The following SCYL1 variants were observed in gnomAD, a reference collection of about 807,000 sequenced individuals.
The protein encoded by SCYL1 is SCY1 like pseudokinase 1, also known as N-terminal kinase-like protein.
A neutral mutation model predicts 94.8 loss-of-function variants in SCYL1; 85 were observed. That is an observed-to-expected ratio of 0.90 (90% CI 0.75 to 1.07). The LOEUF (loss-of-function observed/expected upper bound fraction) is 1.07. SCYL1 is among the 50% of genes least tolerant of loss of function. The pLI, the probability that SCYL1 is intolerant of heterozygous loss-of-function variation, is 0.00. For missense variants in SCYL1, 968 were observed against 1,083.3 expected, an observed-to-expected ratio of 0.89 and a Z score of 1.49; for synonymous variants, 459 against 435.5, an observed-to-expected ratio of 1.05 and a Z score of -0.67.
Position 65,526,167 on chromosome 11 carries a change from A to G in SCYL1, c.419A>G (p.Asn140Ser). 6.2e-7 allele frequency: 1 copy of G among 1,613,388 alleles called. No homozygotes were observed. The highest frequency in any genetic ancestry group is 1.3e-5 in the African/African-American group (1 of 75,052). ...FLVNDCSLIH[N>S]NVCMAAVFVD... ...GTCAACGACTGCAGCCTCATCCACA[A>G]CAATGTCTGCATGGCCGCCGTGTTC... is the stretch of plus-strand genomic sequence containing the variant. The change falls in exon 4 of 18, where the codon AAC (asparagine) becomes AGC (serine). Residue 140 changes from asparagine to serine, a missense_variant. By Grantham distance (46) the Asn-to-Ser change is conservative. This residue lies in a region of SCYL1 where 494 missense variants were observed against 619.7 expected (regional missense o/e 0.80). Transcript: ENST00000270176. This position sits in a 1 kb window ranked among gnomAD's most constrained non-coding sequence, Gnocchi z 4.1.
Position 65,525,723 on chromosome 11 carries a change from T to C in SCYL1, c.252+9T>C. On this transcript the variant is annotated intron_variant, in intron 2 of 17. Transcript: ENST00000270176. Reference sequence around the variant, plus strand: ...ACATCGATGGACTGGAGGTACCTGCTGCCTTGCCTGCCCGTCTCTGCCCCT... The same window carrying C: ...ACATCGATGGACTGGAGGTACCTGCCGCCTTGCCTGCCCGTCTCTGCCCCT... 2 of 1,612,260 alleles carry C rather than the reference T, an allele frequency of 1.2e-6. No homozygotes were observed. Among genetic ancestry groups the C allele is most frequent in the Non-Finnish European group, 1.7e-6 (2 of 1,179,548 alleles).
Position 65,526,355 on chromosome 11 carries a change from G to C in SCYL1, c.602+5G>C. On this transcript the variant is annotated splice_donor_5th_base_variant and intron_variant, in intron 4 of 17. Transcript: ENST00000270176. The surrounding 1 kb of genome is among the most constrained non-coding windows in gnomAD (Gnocchi z 4.1). ...CAGAGTGGTCAGAGAGAAGTGGTGG[G>C]TGACTGGGGGCAGCGCGCCCCAACC... 1 of 1,589,172 alleles carries C rather than the reference G, an allele frequency of 6.3e-7. No individual in the cohort carries two copies.
chr11:65,525,910 C>T lies in SCYL1; in HGVS notation c.253-11C>T. 1.2e-6 allele frequency: 2 copies of T among 1,612,218 alleles called. No homozygotes were observed. The highest frequency in any genetic ancestry group is 1.7e-6 in the Non-Finnish European group (2 of 1,179,184). On this transcript the variant is annotated splice_polypyrimidine_tract_variant and intron_variant, in intron 2 of 17. Transcript: ENST00000270176. ...CCTCCGCCCTTGATAACCCTGTGTC[C>T]CCTTCCCCAGACAGAAAAATGCCTC...
Position 65,538,515 on chromosome 11 carries a change from GAGGA to G in SCYL1, c.2380_2383del (p.Lys794TrpfsTer6). ...GGGAGATGGAGGCCAAACGCGCCGAGAGGAAGGTGGCCAAGGGCCCCATGAAGCT... is the reference window on the plus strand; with the variant it reads ...GGGAGATGGAGGCCAAACGCGCCGAGAGGTGGCCAAGGGCCCCATGAAGCT... On this transcript the variant is annotated frameshift_variant, in exon 18 of 18. Coordinates refer to ENST00000270176, the MANE Select transcript of SCYL1 (RefSeq NM_020680.4). LOFTEE classifies it high-confidence loss of function. 1 of 1,609,726 alleles carries G rather than the reference GAGGA, an allele frequency of 6.2e-7. No homozygotes were observed. Among genetic ancestry groups the G allele is most frequent in the Non-Finnish European group, 8.5e-7 (1 of 1,178,834 alleles).
rs1855317853 is a variant in SCYL1 at position 65,530,694 on chromosome 11, T to C, written c.915T>C (p.Pro305=). Residue 305 remains proline (P), a synonymous_variant, in exon 7 of 18, where the codon CCT becomes CCC. Transcript: ENST00000270176. ...QELSKSLDAF[P]EDFCRHKVLP... is the part of the protein sequence containing the mutation. The stretch of plus-strand genomic sequence containing the variant: ...TGAGCAAGAGCCTGGACGCATTCCC[T>C]GAGGATTTCTGTCGGCACAAGGTGC... 1 of 1,613,962 alleles carries C rather than the reference T, an allele frequency of 6.2e-7. No individual in the cohort carries two copies. Among genetic ancestry groups the C allele is most frequent in the Non-Finnish European group, 8.5e-7 (1 of 1,180,010 alleles).
chr11:65,538,256 A>G lies in SCYL1; in HGVS notation c.2248-14A>G. The G allele has an allele frequency of 3.9e-6, 6 of 1,553,786 alleles. No individual in the cohort carries two copies. Among genetic ancestry groups the G allele is most frequent in the Non-Finnish European group, 4.4e-6 (5 of 1,148,192 alleles). On this transcript the variant is annotated splice_polypyrimidine_tract_variant and intron_variant, in intron 16 of 17. Coordinates refer to ENST00000270176, the MANE Select transcript of SCYL1 (RefSeq NM_020680.4). ...AGAAGTGGGCCCCACTGCAGCCCAC[A>G]CTTCTCTTTACAGCCGAGGCCAGAC...
chr11:65,525,649 G>A lies in SCYL1; in HGVS notation c.187G>A (p.Ala63Thr), dbSNP rs1245472113. The A allele has an allele frequency of 6.2e-7, 1 of 1,612,818 alleles. No homozygotes were observed. The change falls in exon 2 of 18, where the codon GCT becomes ACT. Residue 63 changes from alanine to threonine, a missense_variant. Around this residue, in one of 2 missense-constraint regions of SCYL1, gnomAD observed 494 missense variants for 619.7 expected, o/e 0.80. Transcript: ENST00000270176. ...GGAAGAGCAGACCCAGGTGGCCAAA[G>A]CTGCCTTCAAGCGCTTCAAAACTCT... is the stretch of plus-strand genomic sequence containing the variant. Reference protein sequence around the residue: ...GAEEQTQVAKAAFKRFKTLRH... With the variant: ...GAEEQTQVAKTAFKRFKTLRH...
intron 8 of SCYL1, 45 bp downstream of exon 8, chr11:65,531,728 A>AGCC: frequency 1.4e-6 from 2 of 1,472,708 alleles, no homozygotes; most frequent in Non-Finnish European, 1.9e-6. Flanking sequence ...CCCAGACCCC[A>AGCC]ACCTGGTGGC....
intron 9 of SCYL1, among the ~76,000 whole-genome samples, chr11:65,534,733 G>A (rs946342479): frequency 3.9e-5 from 6 of 152,274 alleles, no homozygotes; most frequent in Middle Eastern, 3.4e-3. Context: ...GTGTGTGAAC[G>A]TTAGAGTCTC....
In SCYL1 at chr11:65,525,961, C is replaced by G; in HGVS notation, c.293C>G (p.Pro98Arg). 1.2e-6 allele frequency: 2 copies of G among 1,613,604 alleles called. No homozygotes were observed. Among genetic ancestry groups the G allele is most frequent in the Non-Finnish European group, 1.7e-6 (2 of 1,179,962 alleles). Residue 98 changes from proline to arginine, a missense_variant, in exon 3 of 18, where the codon CCG (proline) becomes CGG (arginine). Physicochemically the swap from Pro to Arg is moderately radical, Grantham distance 103. Transcript: ENST00000270176. ...CACGTCGTGACAGAGGCTGTGACCC[C>G]GTTGGGAATATACCTCAAGGCGAGA... ...CLHVVTEAVTPLGIYLKARVE... is the reference protein window; with the variant it reads ...CLHVVTEAVTRLGIYLKARVE...
intron 14 of SCYL1, 138 bp downstream of exon 14, chr11:65,537,266 AGTGGCCATT>A: frequency 1.0e-6 from 1 of 969,448 alleles, no homozygotes; most frequent in Non-Finnish European, 1.6e-6. Context: ...GGCCTCATGG[AGTGGCCATT>A]GTAGGCCAGA....
chr11:65,525,813 C>G, intron 2 of SCYL1, 99 bp downstream of exon 2: 1 of 1,580,224 alleles, frequency 6.3e-7, no homozygotes, highest in Non-Finnish European at 8.6e-7. Context: ...TGTGCCCCAG[C>G]ACCCCCAGAT....
Position 65,538,324 on chromosome 11 carries a change from C to A in SCYL1, c.2302C>A (p.Arg768=). The A allele has an allele frequency of 6.5e-7, 1 of 1,548,054 alleles. No individual in the cohort carries two copies. ...CTGGGAGGGCCTCGAGACTGACAGT[C>A]GTAAGTGCTTCCCCTGGGTGGGCTG... ...DNWEGLETDS[R]QVKAELARKK... The change falls in exon 17 of 18, where the codon CGA becomes AGA. Residue 768 remains arginine, a splice_region_variant and synonymous_variant. Coordinates refer to ENST00000270176, the MANE Select transcript of SCYL1 (RefSeq NM_020680.4).
At chr11:65,527,467 G>A (rs775597746) in intron 6 of SCYL1, among the ~76,000 whole-genome samples, 46 of 152,094 alleles carry the variant, frequency 3.0e-4, no homozygotes, top group Non-Finnish European at 5.3e-4. Context: ...AGCCAGGCGC[G>A]GTGGCTCATG....
intron 6 of SCYL1, 124 bp downstream of exon 6, chr11:65,527,241 C>A: frequency 3.7e-6 from 4 of 1,071,096 alleles, no homozygotes; most frequent in Non-Finnish European, 5.4e-6. Context: ...TAGGCCAATC[C>A]GGGTTCAAAC....
At position 65,526,399 on chromosome 11, in the gene SCYL1, C is replaced by T. The variant is rs201866388; in HGVS notation, c.602+49C>T. The T allele has an allele frequency of 9.4e-5, 137 of 1,461,000 alleles. No homozygotes were observed. In the African/African-American group the frequency reaches 1.7e-3, roughly 18 times the overall value. 90.5% of individuals were successfully genotyped at this position (1,461,000 alleles called of 1,614,324 possible). The stretch of plus-strand genomic sequence containing the variant: ...CCCAACCTGCCCTGTCCTGGAGGCC[C>T]CTGCAGCCTCAGGACTCCTAGACTA... On this transcript the variant is annotated intron_variant, in intron 4 of 17. Transcript: ENST00000270176. The surrounding 1 kb of genome is among the most constrained non-coding windows in gnomAD (Gnocchi z 4.1).
rs1855794861 is a variant in SCYL1 at position 65,538,103 on chromosome 11, G to GC, written c.2169dup (p.Glu724ArgfsTer3). The GC allele has an allele frequency of 6.2e-7, 1 of 1,604,610 alleles. No homozygotes were observed. The highest frequency in any genetic ancestry group is 8.5e-7 in the Non-Finnish European group (1 of 1,176,292). On this transcript the variant is annotated frameshift_variant, in exon 16 of 18. Transcript: ENST00000270176. LOFTEE classifies it high-confidence loss of function. ...CCTCCTGACGGTACACGGCTGGCCA[G>GC]CGAGTATAACTGGGGTGGCCCAGAG...
Position 65,530,569 on chromosome 11 carries a change from G to A in SCYL1, c.850-60G>A. Reference sequence around the variant, plus strand: ...TCACTTCTCCTTGTCCTCACCCATGGCTGGGTTTGGGCTGCAACCAGGCTG... The same window carrying A: ...TCACTTCTCCTTGTCCTCACCCATGACTGGGTTTGGGCTGCAACCAGGCTG... On this transcript the variant is annotated intron_variant, in intron 6 of 17. Coordinates refer to ENST00000270176, the MANE Select transcript of SCYL1 (RefSeq NM_020680.4). The A allele has an allele frequency of 4.5e-6, 7 of 1,553,216 alleles. No individual in the cohort carries two copies. The South Asian group carries it at 7.2e-5, about 16-fold the overall frequency.
chr11:65,525,846 T>A, intron 2 of SCYL1, 75 bp from the exon 3 acceptor site: 1 of 1,584,584 alleles, frequency 6.3e-7, no homozygotes. Flanking sequence ...TCCCCATCTC[T>A]CCCAACTTCA....
Sources: gnomAD v4.1 joint callset for allele counts (sites outside exome capture counted in the v4.1 genomes callset) on GRCh38, gnomAD v4.1.1 for gene constraint, gnomAD v4.1.1 regional missense constraint, Gnocchi (gnomAD v3.1) non-coding constraint, MANE v1.5 for transcripts, NCBI Gene and HGNC (gene_info 2026-07-23, HGNC 2026-07-21) for gene names.